Variants in SEC23A observed in about 807,000 individuals in gnomAD.
SEC23A encodes the protein SEC23 homolog A, COPII component.
Under a neutral mutation model 103.7 loss-of-function variants are expected in SEC23A, and 56 were observed. That is an observed-to-expected ratio of 0.54 (90% CI 0.44 to 0.67). The LOEUF (loss-of-function observed/expected upper bound fraction) is 0.67, where lower values mean the gene tolerates loss of function less well. SEC23A is among the 30% of genes least tolerant of loss of function. The pLI is 0.00. For synonymous variants in SEC23A, 281 were observed against 293.0 expected, an observed-to-expected ratio of 0.96 and a Z score of 0.42; for missense variants, 784 against 936.4, an observed-to-expected ratio of 0.84 and a Z score of 2.12.
intron 2 of SEC23A, among the ~76,000 whole-genome samples, chr14:39,093,905 A>G (rs1887750972): frequency 6.6e-6 from 1 of 152,200 alleles, no homozygotes; most frequent in Non-Finnish European, 1.5e-5. Context: ...TGAATGCCTA[A>G]TAAGTACCAA....
chr14:39,039,670 TAGAC>T (rs1472775041), intron 18 of SEC23A: 2 of 153,254 alleles, frequency 1.3e-5, no homozygotes, highest in African/African-American at 4.8e-5. Context: ...TGGAAGCACA[TAGAC>T]AGTAACATCT....
chr14:39,055,552 C>A (rs1268191927), intron 13 of SEC23A, among the ~76,000 whole-genome samples: 1 of 152,046 alleles, frequency 6.6e-6, no homozygotes, highest in Non-Finnish European at 1.5e-5. Flanking sequence ...GGATTACAGG[C>A]ACCTGCCACC....
chr14:39,037,103 G>C (rs1306881332), intron 19 of SEC23A, among the ~76,000 whole-genome samples: 2 of 152,022 alleles, frequency 1.3e-5, no homozygotes, highest in African/African-American at 4.8e-5. Context: ...CTCCCCTGAA[G>C]TTTTTGTCTC....
rs147684366 is a variant in SEC23A, at chr14:39,074,846, G to A, written c.988-316C>T. ...CAACAGGCTGGGCGTGGTGGCTCAC[G>A]CCTGTAATCCCAGCATTTTGGGAGG... On this transcript the variant is annotated intron_variant, in intron 8 of 19. Transcript: ENST00000307712. Among the ~76,000 whole-genome samples the A allele has an allele frequency of 6.4e-3, 969 of 152,296 alleles. 3 individuals are homozygous for A. The highest frequency in any genetic ancestry group is 7.4e-3 in the Non-Finnish European group (501 of 68,026).
intron 7 of SEC23A, among the ~76,000 whole-genome samples, chr14:39,083,891 G>A (rs1013159920): frequency 4.6e-5 from 7 of 151,858 alleles, no homozygotes; most frequent in Admixed American, 6.6e-5. Context: ...AATTAATTGA[G>A]ACTATCTCAG....
rs149695859 is a variant in SEC23A, at chr14:39,063,373, C to T, written c.1349G>A (p.Gly450Glu). Residue 450 changes from glycine to glutamate, a missense_variant, in exon 12 of 20, where the codon GGA (glycine) becomes GAA (glutamate). Physicochemically the swap from Gly to Glu is moderately conservative, Grantham distance 98. Coordinates refer to ENST00000307712, the MANE Select transcript of SEC23A (RefSeq NM_006364.4). ...GGCTAAGGTTGTAGTGGGACTAAGT[C>T]CACATATCTTCCACTGACATGTGCC... ...TGGTCQWKIC[G>E]LSPTTTLAIY... The T allele has an allele frequency of 1.2e-6, 2 of 1,612,486 alleles. No homozygotes were observed. The highest frequency in any genetic ancestry group is 1.7e-6 in the Non-Finnish European group (2 of 1,178,820).
intron 1 of SEC23A, among the ~76,000 whole-genome samples, chr14:39,100,819 T>C (rs1888063429): frequency 6.6e-6 from 1 of 152,114 alleles, no homozygotes; most frequent in Non-Finnish European, 1.5e-5. Flanking sequence ...TTCCACACAC[T>C]ATATTAGAAT....
Position 39,095,952 on chromosome 14 carries a change from T to C in SEC23A, c.167A>G (p.Tyr56Cys), listed in dbSNP as rs1566516557. Reference sequence around the variant, plus strand: ...GGTCCTACTACACAGAACAGGTTCATATTGAATAGGTGGTAAGTCAGGTCT... The same window carrying C: ...GGTCCTACTACACAGAACAGGTTCACATTGAATAGGTGGTAAGTCAGGTCT... ...KERPDLPPIQ[Y>C]EPVLCSRTTC... Residue 56 changes from tyrosine to cysteine, a missense_variant, in exon 2 of 20, where the codon TAT becomes TGT. Tyr to Cys is a radical substitution (Grantham distance 194). Transcript: ENST00000307712. 6.2e-7 allele frequency: 1 copy of C among 1,614,170 alleles called. No individual in the cohort carries two copies. The highest frequency in any genetic ancestry group is 1.6e-4 in the Middle Eastern group (1 of 6,062).
chr14:39,039,197 T>C (rs1018314776), intron 18 of SEC23A, 101 bp from the exon 19 acceptor site: 33 of 938,852 alleles, frequency 3.5e-5, no homozygotes, highest in Non-Finnish European at 5.4e-5. Flanking sequence ...TTAGTATGTG[T>C]TGGTAAAATT....
chr14:39,076,150 A>G (rs1887009428), intron 7 of SEC23A, 57 bp from the exon 8 acceptor site: 1 of 1,275,070 alleles, frequency 7.8e-7, no homozygotes. Flanking sequence ...CATTTCTGAT[A>G]ATAATTTTTT....
intron 17 of SEC23A, 107 bp from the exon 18 acceptor site, chr14:39,040,994 C>A: frequency 7.8e-7 from 1 of 1,282,348 alleles, no homozygotes; most frequent in Non-Finnish European, 1.0e-6. Flanking sequence ...AATTATAGAC[C>A]ATTATTCCAT....
In SEC23A at chr14:39,067,205, T is replaced by C; in HGVS notation, c.1195A>G (p.Lys399Glu). The C allele has an allele frequency of 6.2e-7, 1 of 1,613,886 alleles. No individual in the cohort carries two copies. Among genetic ancestry groups the C allele is most frequent in the South Asian group, 1.1e-5 (1 of 91,076 alleles). Residue 399 changes from lysine (K) to glutamate (E), a missense_variant, in exon 10 of 20, where the codon AAA becomes GAA. Lys to Glu is a moderately conservative substitution (Grantham distance 56, BLOSUM62 1). Transcript: ENST00000307712. ...TCTAGCGTACCACCAAAGCCCATTTTAAACTGTCCATGCATGTCTTTGGTA... is the reference window on the plus strand; with the variant it reads ...TCTAGCGTACCACCAAAGCCCATTTCAAACTGTCCATGCATGTCTTTGGTA... ...VFTKDMHGQF[K>E]MGFGGTLEIK...
intron 19 of SEC23A, among the ~76,000 whole-genome samples, chr14:39,036,374 T>C (rs897892148): frequency 6.6e-6 from 1 of 151,426 alleles, no homozygotes; most frequent in Non-Finnish European, 1.5e-5. Context: ...CTCTAGATAT[T>C]TTTAGTAAAT....
chr14:39,090,906 AC>A, intron 5 of SEC23A: 1 of 292,182 alleles, frequency 3.4e-6, no homozygotes, highest in Non-Finnish European at 6.5e-6. Context: ...TTTGCAAAGG[AC>A]TGGCCAATGT....
rs201484082 is a variant in SEC23A at position 39,063,232 on chromosome 14, AG to A, written c.1398+91del. 6.4e-6 allele frequency: 5 copies of A among 778,864 alleles called. No homozygotes were observed. In the African/African-American group the frequency reaches 6.9e-5, roughly 11 times the overall value. The allele number at this position is 778,864 out of a possible 1,614,324, so 48.2% of individuals were successfully genotyped here. On this transcript the variant is annotated intron_variant, in intron 12 of 19. Transcript: ENST00000307712. ...ATAAATGTTGGGTTATATCTACTAT[AG>A]GAAAAAAAATATGAACTATTCATGG...
intron 1 of SEC23A, 85 bp downstream of exon 1, chr14:39,102,947 C>G (rs1480583770): frequency 6.5e-6 from 1 of 152,884 alleles, no homozygotes; most frequent in African/African-American, 2.4e-5. Flanking sequence ...GGCCCCGGGG[C>G]ACCGAGAGGG....
Position 39,063,387 on chromosome 14 carries a change from C to T in SEC23A, c.1335G>A (p.Gln445=), listed in dbSNP as rs1439591008. 6.2e-7 allele frequency: 1 copy of T among 1,610,800 alleles called. No individual in the cohort carries two copies. Among genetic ancestry groups the T allele is most frequent in the South Asian group, 1.1e-5 (1 of 90,962 alleles). The change falls in exon 12 of 20, where the codon CAG becomes CAA. Residue 445 remains glutamine, a synonymous_variant. Transcript: ENST00000307712. ...ENEIGTGGTC[Q]WKICGLSPTT... ...TGGGACTAAGTCCACATATCTTCCA[C>T]TGACATGTGCCACCTGTTCCTATCT...
rs376899746 is a variant in SEC23A at position 39,074,465 on chromosome 14, T to G, written c.1053A>C (p.Ala351=). The G allele has an allele frequency of 6.2e-7, 1 of 1,613,596 alleles. No homozygotes were observed. The highest frequency in any genetic ancestry group is 8.5e-7 in the Non-Finnish European group (1 of 1,179,804). Reference sequence around the variant, plus strand: ...TCTCCAGGAGACCTGTCTGATCTAATGCACACGCATAGATATCAATAACAT... The same window carrying G: ...TCTCCAGGAGACCTGTCTGATCTAAGGCACACGCATAGATATCAATAACAT... The part of the protein sequence containing the change: ...TGHVIDIYAC[A]LDQTGLLEMK... The change falls in exon 9 of 20, where the codon GCA becomes GCC. Residue 351 remains alanine, a synonymous_variant. Transcript: ENST00000307712.
intron 13 of SEC23A, among the ~76,000 whole-genome samples, chr14:39,059,308 A>AAAAAAAAAAAAAAAG (rs1566491612): frequency 9.3e-6 from 1 of 107,582 alleles, no homozygotes. Context: ...AAAAAAAAAA[A>AAAAAAAAAAAAAAAG]AACAACAAGG....
Sources: gnomAD v4.1 joint callset for allele counts (sites outside exome capture counted in the v4.1 genomes callset) on GRCh38, gnomAD v4.1.1 for gene constraint, MANE v1.5 for transcripts, NCBI Gene and HGNC (gene_info 2026-07-23, HGNC 2026-07-21) for gene names.